Variants in MMD2 observed in about 807,000 individuals in gnomAD.
MMD2 encodes the protein monocyte to macrophage differentiation factor 2.
MMD2 carries 30 observed loss-of-function variants against 33.5 expected under a neutral mutation model. The ratio of observed to expected loss-of-function variants is 0.90; its 90% CI spans 0.67 to 1.22. The LOEUF is 1.22. Ranked by LOEUF, MMD2 falls within the 50% of genes most tolerant of loss-of-function variation. The probability of loss-of-function intolerance (pLI) is 0.00; values close to 1 mark genes in which losing one functional copy is unlikely to be tolerated. For synonymous variants in MMD2, 129 were observed against 123.0 expected (o/e 1.05, Z -0.32); for missense variants, 364 against 325.4 (o/e 1.12, Z -0.91).
intron 1 of MMD2, among the ~76,000 whole-genome samples, chr7:4,943,681 T>A (rs1785974708): frequency 6.6e-6 from 1 of 152,194 alleles, no homozygotes; most frequent in African/African-American, 2.4e-5. Context: ...GAAATGGTAC[T>A]TAACCTCCCT....
chr7:4,951,915 T>C (rs1187761933), intron 1 of MMD2, among the ~76,000 whole-genome samples: 1 of 152,098 alleles, frequency 6.6e-6, no homozygotes, highest in Non-Finnish European at 1.5e-5. Flanking sequence ...TTTGCCTTTT[T>C]TTGGAGAGTC....
At chr7:4,897,710 T>A in the MMD2 span, among the ~76,000 whole-genome samples, 1 of 151,976 alleles carries the variant, frequency 6.6e-6, no homozygotes, top group Admixed American at 6.6e-5. Context: ...GTGCCCTCCT[T>A]CCTTTCTCCA....
chr7:4,957,499 A>G (rs147101068), intron 1 of MMD2, among the ~76,000 whole-genome samples: 20,968 of 150,426 alleles, frequency 0.14, 1,762 homozygotes, highest in Admixed American at 0.22. Context: ...AATACAAAAA[A>G]TTAGCCGGGC....
downstream of MMD2, among the ~76,000 whole-genome samples, chr7:4,905,123 G>A (rs1784844302): frequency 6.6e-6 from 1 of 152,080 alleles, no homozygotes; most frequent in Non-Finnish European, 1.5e-5. This position sits in a 1 kb window ranked among gnomAD's most constrained non-coding sequence, Gnocchi z 5.0. Context: ...CAGGAGGAGG[G>A]GGCACAGGAG....
At chr7:4,900,997 G>A (rs1205861395), downstream of MMD2, among the ~76,000 whole-genome samples, 6 of 151,798 alleles carry the variant, frequency 4.0e-5, no homozygotes, top group Non-Finnish European at 5.9e-5. Context: ...AAAATTAGCC[G>A]GGTATGGTGG....
the MMD2 span, among the ~76,000 whole-genome samples, chr7:4,897,953 G>T: frequency 1.3e-5 from 2 of 152,238 alleles, 1 homozygote; most frequent in Middle Eastern, 6.8e-3. Flanking sequence ...GGCCAGGCTG[G>T]TCTCAAACTC....
intron 5 of MMD2, 109 bp downstream of exon 5, chr7:4,911,036 G>C: frequency 4.3e-6 from 4 of 922,404 alleles, no homozygotes; most frequent in Non-Finnish European, 6.6e-6. Context: ...CCAGAGCTGT[G>C]CTCTCACGAT....
chr7:4,944,126 T>A (rs1340375775), intron 1 of MMD2, among the ~76,000 whole-genome samples: 1 of 151,440 alleles, frequency 6.6e-6, no homozygotes, highest in Non-Finnish European at 1.5e-5. Context: ...AATGTAAAAA[T>A]TAGCTGGGTA....
intron 6 of MMD2, among the ~76,000 whole-genome samples, chr7:4,908,138 T>G (rs533210476): frequency 1.3e-5 from 2 of 148,516 alleles, no homozygotes; most frequent in Non-Finnish European, 3.0e-5. Flanking sequence ...ACTTATCTTA[T>G]CTGGTTTTGT....
the MMD2 span, among the ~76,000 whole-genome samples, chr7:4,893,047 T>C: frequency 6.6e-6 from 1 of 152,102 alleles, no homozygotes; most frequent in South Asian, 2.1e-4. Flanking sequence ...GCCACCTCAA[T>C]ACATAGATCC....
At chr7:4,937,751 C>T (rs1785782635) in intron 1 of MMD2, among the ~76,000 whole-genome samples, 1 of 151,442 alleles carries the variant, frequency 6.6e-6, no homozygotes, top group Non-Finnish European at 1.5e-5. Context: ...CAAGTGATCC[C>T]ACCCTGCCTC....
At position 4,935,905 on chromosome 7, in the gene MMD2, C is replaced by T. The variant is rs185703173; in HGVS notation, c.48-10373G>A. On this transcript the variant is annotated intron_variant, in intron 1 of 6. Coordinates refer to ENST00000401401, the MANE Select transcript of MMD2 (RefSeq NM_198403.4). Reference sequence around the variant, plus strand: ...TTATTTCAAAATAAAAAATTTTGGGCCGGGCGCGATGGCTCATGCCTGCAA... The same window carrying T: ...TTATTTCAAAATAAAAAATTTTGGGTCGGGCGCGATGGCTCATGCCTGCAA... Among the ~76,000 whole-genome samples the T allele has an allele frequency of 5.3e-5, 8 of 152,118 alleles. No individual in the cohort carries two copies. In the East Asian group the frequency reaches 1.2e-3, roughly 22 times the overall value.
At chr7:4,925,331 G>T in intron 2 of MMD2, 120 bp downstream of exon 2, 1 of 650,314 alleles carries the variant, frequency 1.5e-6, no homozygotes, top group Non-Finnish European at 2.4e-6. Flanking sequence ...CTTCCCTGAG[G>T]GCCACAGAAG....
In MMD2 at chr7:4,920,267, T is replaced by A; in HGVS notation, c.194A>T (p.Glu65Val). ...NLYFLSDDDWETISAWIYGLG... is the reference protein window; with the variant it reads ...NLYFLSDDDWVTISAWIYGLG... ...GCCGTAGATCCAGGCAGAGATGGTCTCCCAGTCATCGTCCGACAGGAAGTA... is the reference window on the plus strand; with the variant it reads ...GCCGTAGATCCAGGCAGAGATGGTCACCCAGTCATCGTCCGACAGGAAGTA... Residue 65 changes from glutamate to valine, a missense_variant, in exon 3 of 7, where the codon GAG (glutamate) becomes GTG (valine). Physicochemically the swap from Glu to Val is moderately radical, Grantham distance 121 (BLOSUM62 -2). Coordinates refer to ENST00000401401, the MANE Select transcript of MMD2 (RefSeq NM_198403.4). 2 of 1,605,512 alleles carry A rather than the reference T, an allele frequency of 1.2e-6. No individual in the cohort carries two copies. Among genetic ancestry groups the A allele is most frequent in the Non-Finnish European group, 1.7e-6 (2 of 1,176,458 alleles).
chr7:4,919,591 A>G (rs1785222534), intron 3 of MMD2, among the ~76,000 whole-genome samples: 1 of 151,710 alleles, frequency 6.6e-6, no homozygotes, highest in East Asian at 1.9e-4. Flanking sequence ...ACAAACAAAA[A>G]AGAAAACAAG....
downstream of MMD2, among the ~76,000 whole-genome samples, chr7:4,902,686 CT>C (rs1562471390): frequency 1.3e-5 from 2 of 152,198 alleles, no homozygotes; most frequent in Admixed American, 1.3e-4. Context: ...GTCACTGGCT[CT>C]TTCTGAATCC....
At chr7:4,947,389 T>C (rs1174261778) in intron 1 of MMD2, among the ~76,000 whole-genome samples, 1 of 109,512 alleles carries the variant, frequency 9.1e-6, no homozygotes, top group East Asian at 3.2e-4. Flanking sequence ...GGAAGAGGGG[T>C]GCTATGCACT....
chr7:4,943,851 G>C (rs1387381570), intron 1 of MMD2, among the ~76,000 whole-genome samples: 2 of 151,864 alleles, frequency 1.3e-5, no homozygotes, highest in Non-Finnish European at 2.9e-5. Context: ...ACTCAGGCTA[G>C]AGTGCAGTGG....
downstream of MMD2, among the ~76,000 whole-genome samples, chr7:4,902,939 T>C (rs1193398869): frequency 1.3e-5 from 2 of 152,202 alleles, no homozygotes; most frequent in Non-Finnish European, 2.9e-5. Flanking sequence ...TTTTGCAAAC[T>C]GATACGGAAA....
Sources: allele counts gnomAD v4.1 joint callset (sites outside exome capture counted in the v4.1 genomes callset), GRCh38; gene constraint gnomAD v4.1.1; non-coding constraint Gnocchi (gnomAD v3.1); transcripts MANE v1.5; gene names NCBI Gene and HGNC (gene_info 2026-07-23, HGNC 2026-07-21).